The following HRH1 variants were observed in gnomAD, a reference collection of about 807,000 sequenced individuals.
HRH1 encodes the protein histamine receptor H1.
In HRH1, 6 loss-of-function variants were observed where a neutral mutation model predicts 10.3. The ratio of observed to expected loss-of-function variants is 0.58; its 90% CI spans 0.32 to 1.15. The LOEUF (loss-of-function observed/expected upper bound fraction) is 1.15. Among genes scored for constraint, HRH1 ranks in the 50% most tolerant of loss-of-function variants. The probability of loss-of-function intolerance (pLI) is 0.05; values close to 1 mark genes in which losing one functional copy is unlikely to be tolerated. For synonymous variants in HRH1, 242 were observed against 236.7 expected (o/e 1.02, Z -0.21); for missense variants, 514 against 615.3 (o/e 0.84, Z 1.74).
At chr3:11,152,085 A>G (rs1267066823), upstream of HRH1, among the ~76,000 whole-genome samples, 3 of 152,050 alleles carry the variant, frequency 2.0e-5, no homozygotes, top group African/African-American at 7.3e-5. Flanking sequence ...CACCTGTCTG[A>G]TCTTGGGAAG....
chr3:11,184,917 CAAAAAA>C (rs11360744), intron 1 of HRH1, among the ~76,000 whole-genome samples: 8 of 117,296 alleles, frequency 6.8e-5, no homozygotes, highest in Non-Finnish European at 1.4e-4. Context: ...GACTCCATTT[CAAAAAA>C]AAAAAAAAAA....
chr3:11,168,073 G>A (rs1405191452), intron 1 of HRH1, among the ~76,000 whole-genome samples: 1 of 152,156 alleles, frequency 6.6e-6, no homozygotes, highest in East Asian at 1.9e-4. Context: ...GTTCTTCTAC[G>A]TAGGGTGGGA....
chr3:11,173,335 T>TG (rs1431351762), intron 1 of HRH1, among the ~76,000 whole-genome samples: 10 of 151,738 alleles, frequency 6.6e-5, no homozygotes, highest in Non-Finnish European at 1.5e-5. Flanking sequence ...GTCTGGCACA[T>TG]TAGGAAATAG....
chr3:11,162,187 T>G (rs867976817), intron 1 of HRH1, among the ~76,000 whole-genome samples: 1 of 152,130 alleles, frequency 6.6e-6, no homozygotes, highest in African/African-American at 2.4e-5. Flanking sequence ...TTATACTTAC[T>G]TACCTATTTC....
intron 1 of HRH1, among the ~76,000 whole-genome samples, chr3:11,180,002 A>G (rs892079074): frequency 6.6e-6 from 1 of 151,906 alleles, no homozygotes; most frequent in Non-Finnish European, 1.5e-5. Flanking sequence ...GGCTCAAGCA[A>G]TCCTCCTGCC....
chr3:11,172,235 G>A (rs951915587), intron 1 of HRH1, among the ~76,000 whole-genome samples: 7 of 152,216 alleles, frequency 4.6e-5, no homozygotes, highest in African/African-American at 1.4e-4. Context: ...TCTGCCAGCG[G>A]TGAGGGAGTG....
chr3:11,182,353 A>AGTTCC (rs1937374838), intron 1 of HRH1, among the ~76,000 whole-genome samples: 1 of 152,184 alleles, frequency 6.6e-6, no homozygotes, highest in Non-Finnish European at 1.5e-5. Flanking sequence ...CTCATCTGTA[A>AGTTCC]CTTGCTGTGT....
At chr3:11,176,228 T>A (rs191409071) in intron 1 of HRH1, among the ~76,000 whole-genome samples, 1 of 151,990 alleles carries the variant, frequency 6.6e-6, no homozygotes, top group Non-Finnish European at 1.5e-5. Context: ...AGTTTTTGCA[T>A]TTACAGGTAA....
At position 11,259,810 on chromosome 3, in the gene HRH1, A is replaced by C. The variant is rs1332933253; in HGVS notation, c.773A>C (p.Glu258Ala). 1 of 1,613,924 alleles carries C rather than the reference A, an allele frequency of 6.2e-7. No individual in the cohort carries two copies. The highest frequency in any genetic ancestry group is 1.3e-5 in the African/African-American group (1 of 75,018). The change falls in exon 2 of 2, where the codon GAG becomes GCG. Residue 258 changes from glutamate (E) to alanine (A), a missense_variant. By Grantham distance (107) the Glu-to-Ala change is moderately radical (BLOSUM62 -1). Transcript: ENST00000431010. The surrounding 1 kb of genome is among the most constrained non-coding windows in gnomAD (Gnocchi z 4.6). ...AAACCAGGGAAGGAGTCTCCCTGGG[A>C]GGTTCTGAAAAGGAAGCCAAAAGAT... is the stretch of plus-strand genomic sequence containing the variant. ...AKKPGKESPW[E>A]VLKRKPKDAG...
At chr3:11,238,782 A>G (rs1026184790) in intron 1 of HRH1, among the ~76,000 whole-genome samples, 1 of 152,208 alleles carries the variant, frequency 6.6e-6, no homozygotes, top group Non-Finnish European at 1.5e-5. Flanking sequence ...GAATCATTCA[A>G]TGTGTTGCCT....
Position 11,218,217 on chromosome 3 carries a change from C to T in HRH1, c.-35-40786C>T, listed in dbSNP as rs537074953. Among the ~76,000 whole-genome samples the T allele has an allele frequency of 1.9e-3, 287 of 152,086 alleles. 2 individuals carry two copies. Among genetic ancestry groups the T allele is most frequent in the African/African-American group, 6.2e-3 (256 of 41,502 alleles). On this transcript the variant is annotated intron_variant, in intron 1 of 1. Transcript: ENST00000431010. ...ATCCCAGCACTTTGGGAGGCCAAGG[C>T]GGGTGGATCACAAGGTCAGGAGTTC...
chr3:11,202,911 C>A (rs768699901), intron 1 of HRH1, among the ~76,000 whole-genome samples: 2 of 152,200 alleles, frequency 1.3e-5, no homozygotes, highest in African/African-American at 4.8e-5. Flanking sequence ...GCCTATTCAT[C>A]CCTTCCCCTG....
intron 1 of HRH1, among the ~76,000 whole-genome samples, chr3:11,223,759 A>G (rs985278278): frequency 6.6e-6 from 1 of 152,236 alleles, no homozygotes; most frequent in Non-Finnish European, 1.5e-5. Context: ...ATGTTTGAAA[A>G]ATCCCTAATC....
chr3:11,177,688 G>C (rs1182364247), intron 1 of HRH1, among the ~76,000 whole-genome samples: 1 of 152,158 alleles, frequency 6.6e-6, no homozygotes, highest in Non-Finnish European at 1.5e-5. Context: ...TTTCCCTCCA[G>C]TGCCCAACAC....
At chr3:11,182,553 T>G (rs1937378160) in intron 1 of HRH1, among the ~76,000 whole-genome samples, 1 of 152,138 alleles carries the variant, frequency 6.6e-6, no homozygotes, top group Non-Finnish European at 1.5e-5. Context: ...GGAGGGAAAA[T>G]TACTTCCTGC....
intron 1 of HRH1, among the ~76,000 whole-genome samples, chr3:11,224,305 C>T (rs904991183): frequency 6.6e-6 from 1 of 152,172 alleles, no homozygotes; most frequent in African/African-American, 2.4e-5. Context: ...GCTTATCAGC[C>T]TTGGAGTCTG....
intron 1 of HRH1, among the ~76,000 whole-genome samples, chr3:11,236,592 TGGAA>T (rs568316770): frequency 5.9e-5 from 9 of 152,168 alleles, no homozygotes; most frequent in South Asian, 4.1e-4. Context: ...GATGGTTTGA[TGGAA>T]GGAAGGGAGA....
At chr3:11,225,671 C>A (rs1406967969) in intron 1 of HRH1, among the ~76,000 whole-genome samples, 1 of 152,236 alleles carries the variant, frequency 6.6e-6, no homozygotes, top group Non-Finnish European at 1.5e-5. Context: ...TACAACCTAG[C>A]TTTATTATTT....
At chr3:11,240,087 T>C (rs1575036152) in intron 1 of HRH1, among the ~76,000 whole-genome samples, 1 of 151,984 alleles carries the variant, frequency 6.6e-6, no homozygotes, top group South Asian at 2.1e-4. Flanking sequence ...GGTTACATAG[T>C]ATAACTGTGG....
Sources: allele counts gnomAD v4.1 joint callset (sites outside exome capture counted in the v4.1 genomes callset), GRCh38; gene constraint gnomAD v4.1.1; non-coding constraint Gnocchi (gnomAD v3.1); transcripts MANE v1.5; gene names NCBI Gene and HGNC (gene_info 2026-07-23, HGNC 2026-07-21).